The following CERS6 variants were observed in gnomAD, a reference collection of about 807,000 sequenced individuals.
CERS6 encodes ceramide synthase 6, also known as LAG1 homolog, ceramide synthase 6.
CERS6 carries 26 observed loss-of-function variants against 56.8 expected under a neutral mutation model. That is an observed-to-expected ratio of 0.46 (90% CI 0.34 to 0.63). The LOEUF (loss-of-function observed/expected upper bound fraction) is 0.63, where lower values mean the gene tolerates loss of function less well. Ranked by LOEUF, CERS6 falls within the 30% of genes least tolerant of loss-of-function variation. CERS6 has a pLI of 0.01. For missense variants in CERS6, 415 were observed against 467.5 expected, an observed-to-expected ratio of 0.89 and a Z score of 1.04; for synonymous variants, 164 against 173.3, an observed-to-expected ratio of 0.95 and a Z score of 0.42.
chr2:168,613,869 T>G (rs981460054), intron 3 of CERS6, among the ~76,000 whole-genome samples: 2 of 152,148 alleles, frequency 1.3e-5, no homozygotes, highest in Non-Finnish European at 2.9e-5. Context: ...CCCTTGTTAT[T>G]TAGAACATGA....
chr2:168,565,424 T>C lies in CERS6; in HGVS notation c.407+4102T>C, dbSNP rs115722039. ...CATCCCTGGTTAAGAAGAAAGACAG[T>C]TGCTGTTCAGAAATACTAAAAGGTG... On this transcript the variant is annotated intron_variant, in intron 3 of 9. Transcript: ENST00000305747. 2.5e-3 allele frequency among the ~76,000 whole-genome samples: 377 copies of C among 152,292 alleles called. 3 individuals carry two copies. The highest frequency in any genetic ancestry group is 8.0e-3 in the African/African-American group (334 of 41,570).
At chr2:168,637,362 G>T (rs1257810931) in intron 4 of CERS6, among the ~76,000 whole-genome samples, 1 of 152,096 alleles carries the variant, frequency 6.6e-6, no homozygotes, top group East Asian at 1.9e-4. Context: ...CACGCCTATA[G>T]TCCCAGCTAC....
intron 4 of CERS6, among the ~76,000 whole-genome samples, chr2:168,663,137 T>C (rs1030058726): frequency 6.6e-6 from 1 of 152,216 alleles, no homozygotes; most frequent in African/African-American, 2.4e-5. Flanking sequence ...GAGAACCTGA[T>C]GCTTTTGAGC....
intron 4 of CERS6, among the ~76,000 whole-genome samples, chr2:168,671,402 G>A (rs1014155406): frequency 6.6e-6 from 1 of 152,116 alleles, no homozygotes; most frequent in Admixed American, 6.5e-5. Flanking sequence ...GGAAATCCAT[G>A]GTATAGCTAG....
intron 1 of CERS6, among the ~76,000 whole-genome samples, chr2:168,510,265 G>A (rs1694755530): frequency 6.6e-6 from 1 of 152,184 alleles, no homozygotes; most frequent in Admixed American, 6.5e-5. Flanking sequence ...AGGCTTGTTA[G>A]AAGATAATTT....
intron 9 of CERS6, among the ~76,000 whole-genome samples, chr2:168,768,607 T>C (rs1024698705): frequency 6.6e-6 from 1 of 151,536 alleles, no homozygotes; most frequent in Non-Finnish European, 1.5e-5. Flanking sequence ...GCCCAGCAGG[T>C]TCTTAAGATG....
chr2:168,622,029 A>G (rs1684483829), intron 3 of CERS6, among the ~76,000 whole-genome samples: 1 of 152,234 alleles, frequency 6.6e-6, no homozygotes, highest in Non-Finnish European at 1.5e-5. Context: ...TTAATAATGA[A>G]ATATTTTACA....
intron 3 of CERS6, among the ~76,000 whole-genome samples, chr2:168,600,923 A>G (rs887165996): frequency 6.6e-6 from 1 of 152,158 alleles, no homozygotes; most frequent in Non-Finnish European, 1.5e-5. Flanking sequence ...CCTGATTTCT[A>G]TTTACCAATA....
chr2:168,486,518 G>GTTTTT (rs1491580943), intron 1 of CERS6, among the ~76,000 whole-genome samples: 12 of 136,248 alleles, frequency 8.8e-5, no homozygotes, highest in Admixed American at 3.0e-4. Flanking sequence ...GTCTAGATTT[G>GTTTTT]GTTTTGTTTT....
intron 8 of CERS6, among the ~76,000 whole-genome samples, chr2:168,764,174 G>T (rs1311270159): frequency 2.0e-5 from 3 of 151,752 alleles, no homozygotes; most frequent in Non-Finnish European, 4.4e-5. Context: ...ATGGAGTCTT[G>T]CTCTGTTGCC....
chr2:168,696,622 G>T (rs1006173752), intron 6 of CERS6, among the ~76,000 whole-genome samples: 1 of 152,128 alleles, frequency 6.6e-6, no homozygotes, highest in Non-Finnish European at 1.5e-5. Flanking sequence ...CCAGATCAAG[G>T]CACCAGCAGA....
chr2:168,768,767 A>G (rs370039269), intron 9 of CERS6, among the ~76,000 whole-genome samples: 41 of 151,918 alleles, frequency 2.7e-4, no homozygotes, highest in African/African-American at 9.4e-4. Flanking sequence ...TTAGCTGGGC[A>G]TGGTGGCTCA....
At chr2:168,743,234 A>ATGTG (rs139026026) in intron 8 of CERS6, among the ~76,000 whole-genome samples, 41 of 147,210 alleles carry the variant, frequency 2.8e-4, no homozygotes, top group South Asian at 6.4e-4. Context: ...GTATATATAT[A>ATGTG]TGTGTGTGTG....
At chr2:168,548,091 T>C (rs1009021723) in intron 2 of CERS6, among the ~76,000 whole-genome samples, 3 of 152,170 alleles carry the variant, frequency 2.0e-5, no homozygotes, top group African/African-American at 7.2e-5. Flanking sequence ...AGGGACCTCT[T>C]GGCTTGTAGC....
chr2:168,612,374 T>C (rs148559751), intron 3 of CERS6, among the ~76,000 whole-genome samples: 1 of 152,338 alleles, frequency 6.6e-6, no homozygotes, highest in Non-Finnish European at 1.5e-5. Context: ...GTCTTAATGT[T>C]AGAACAATAT....
intron 4 of CERS6, among the ~76,000 whole-genome samples, chr2:168,635,048 T>TTTA (rs1684832036): frequency 6.6e-6 from 1 of 152,216 alleles, no homozygotes; most frequent in African/African-American, 2.4e-5. Flanking sequence ...TGCTTAGTGA[T>TTTA]CCAGTTAATT....
intron 4 of CERS6, among the ~76,000 whole-genome samples, chr2:168,646,904 A>G (rs542286254): frequency 3.9e-5 from 6 of 152,118 alleles, no homozygotes; most frequent in Non-Finnish European, 7.4e-5. Context: ...CTGTTTTTGT[A>G]CCAGTGCCAG....
intron 8 of CERS6, among the ~76,000 whole-genome samples, chr2:168,722,567 G>C (rs753085746): frequency 1.3e-5 from 2 of 152,128 alleles, no homozygotes; most frequent in Non-Finnish European, 2.9e-5. Flanking sequence ...TCTTCAGCAC[G>C]TAACTCTAAC....
intron 4 of CERS6, among the ~76,000 whole-genome samples, chr2:168,677,154 C>T (rs1028388074): frequency 2.0e-5 from 3 of 151,890 alleles, no homozygotes; most frequent in South Asian, 2.1e-4. Flanking sequence ...TTTCTCCTGA[C>T]GCTATCCCTC....
Sources: allele counts gnomAD v4.1 joint callset (sites outside exome capture counted in the v4.1 genomes callset), GRCh38; gene constraint gnomAD v4.1.1; transcripts MANE v1.5; gene names NCBI Gene and HGNC (gene_info 2026-07-23, HGNC 2026-07-21).